Variants in DAPK3 observed in about 807,000 individuals in gnomAD.
DAPK3 encodes death associated protein kinase 3.
Under a neutral mutation model 30.6 loss-of-function variants are expected in DAPK3, and 24 were observed. The observed-to-expected ratio is 0.78, with a 90% CI of 0.57 to 1.10. The LOEUF (loss-of-function observed/expected upper bound fraction) is 1.10. Among genes scored for constraint, DAPK3 ranks in the 50% least tolerant of loss-of-function variants. The pLI, the probability that DAPK3 is intolerant of heterozygous loss-of-function variation, is 0.00. For synonymous variants in DAPK3, 341 were observed against 284.0 expected (o/e 1.20, Z -2.02); for missense variants, 629 against 657.3 (o/e 0.96, Z 0.47).
At position 3,959,313 on chromosome 19, in the gene DAPK3, G is replaced by A; in HGVS notation, c.1153C>T (p.Leu385=). 2 of 1,593,950 alleles carry A rather than the reference G, an allele frequency of 1.3e-6. No individual in the cohort carries two copies. Among genetic ancestry groups the A allele is most frequent in the South Asian group, 1.1e-5 (1 of 90,100 alleles). The change falls in exon 9 of 9, where the codon CTG becomes TTG. Residue 385 remains leucine, a synonymous_variant. Coordinates refer to ENST00000545797, the MANE Select transcript of DAPK3 (RefSeq NM_001348.3). ...GQDLRRLRQE[L]LKTEALKRQA... ...CGCTTGAGCGCCTCGGTCTTGAGCA[G>A]CTCCTGCCGTAGCCTCCGCAGGTCC...
intron 2 of DAPK3, among the ~76,000 whole-genome samples, chr19:3,966,294 A>AT (rs2039576712): frequency 6.6e-6 from 1 of 151,982 alleles, no homozygotes; most frequent in Non-Finnish European, 1.5e-5. Context: ...CTGCTAACAG[A>AT]CCCAGCTGTC....
rs1178618013 is a variant in DAPK3 at position 3,958,914 on chromosome 19, C to T, written c.*187G>A. On this transcript the variant is annotated 3_prime_UTR_variant, in exon 9 of 9. Coordinates refer to ENST00000545797, the MANE Select transcript of DAPK3 (RefSeq NM_001348.3). ...CGTGGAGGCTGTGTAGAGAAGCAGC[C>T]CCGTCCCACACCCACCCCTGCCTGC... The T allele has an allele frequency of 3.4e-6, 2 of 583,238 alleles. No homozygotes were observed. Among genetic ancestry groups the T allele is most frequent in the African/African-American group, 3.8e-5 (2 of 52,100 alleles). 36.1% of individuals were successfully genotyped at this position (583,238 alleles called of 1,614,324 possible).
Position 3,959,476 on chromosome 19 carries a change from C to T in DAPK3, c.990G>A (p.Glu330=). ...ADFERFSKVL[E]EAAAAEEGLR... ...GGCCCTCCTCGGCGGCCGCCGCCTC[C>T]TCCAGCACCTTGGAGAAGCGCTCGA... is the stretch of plus-strand genomic sequence containing the variant. Residue 330 remains glutamate, a synonymous_variant, in exon 9 of 9, where the codon GAG becomes GAA. Coordinates refer to ENST00000545797, the MANE Select transcript of DAPK3 (RefSeq NM_001348.3). The T allele has an allele frequency of 6.4e-7, 1 of 1,550,508 alleles. No individual in the cohort carries two copies. The highest frequency in any genetic ancestry group is 8.7e-7 in the Non-Finnish European group (1 of 1,155,048).
intron 5 of DAPK3, 50 bp from the exon 6 acceptor site, chr19:3,963,719 C>T (rs769367594): frequency 1.0e-5 from 15 of 1,476,184 alleles, no homozygotes; most frequent in Admixed American, 4.5e-5. Flanking sequence ...GCCGCCCACC[C>T]TCCCAGGACC....
At chr19:3,967,384 C>G (rs1287889367) in intron 2 of DAPK3, among the ~76,000 whole-genome samples, 1 of 151,858 alleles carries the variant, frequency 6.6e-6, no homozygotes, top group African/African-American at 2.4e-5. Flanking sequence ...ACCTGGGAGA[C>G]GGAGGTTGCA....
chr19:3,961,176 TG>T lies in DAPK3; in HGVS notation c.630-16del. The T allele has an allele frequency of 6.2e-7, 1 of 1,607,122 alleles. No homozygotes were observed. Among genetic ancestry groups the T allele is most frequent in the Non-Finnish European group, 8.5e-7 (1 of 1,177,140 alleles). ...CACCGCTCAGGCTGCGAGACAGGCG[TG>T]GGGGCTCAGTGGGGTCCTGGGCTCC... On this transcript the variant is annotated splice_polypyrimidine_tract_variant and intron_variant, in intron 6 of 8. Coordinates refer to ENST00000545797, the MANE Select transcript of DAPK3 (RefSeq NM_001348.3).
At position 3,964,850 on chromosome 19, in the gene DAPK3, C is replaced by T; in HGVS notation, c.204G>A (p.Leu68=). ...TGATGTTGGGGTGCCGGATCTCCCG[C>T]AGGATGTTCACCTCCCGCTCGATCT... The part of the protein sequence containing the change: ...REEIEREVNI[L]REIRHPNIIT... The change falls in exon 3 of 9, where the codon CTG becomes CTA. Residue 68 remains leucine, a synonymous_variant. Coordinates refer to ENST00000545797, the MANE Select transcript of DAPK3 (RefSeq NM_001348.3). The T allele has an allele frequency of 6.2e-7, 1 of 1,613,280 alleles. No homozygotes were observed. Among genetic ancestry groups the T allele is most frequent in the Non-Finnish European group, 8.5e-7 (1 of 1,179,414 alleles).
chr19:3,963,839 G>C (rs752008126), intron 5 of DAPK3, 32 bp downstream of exon 5: 163 of 1,491,066 alleles, frequency 1.1e-4, no homozygotes, highest in Middle Eastern at 3.4e-4. Flanking sequence ...AGGAATGCAG[G>C]GAGGCCCGGT....
rs1286722350 is a variant in DAPK3 at position 3,959,061 on chromosome 19, G to A, written c.*40C>T. 6.6e-6 allele frequency: 9 copies of A among 1,358,562 alleles called. No individual in the cohort carries two copies. The highest frequency in any genetic ancestry group is 2.0e-4 in the Middle Eastern group (1 of 4,894). 84.2% of individuals were successfully genotyped at this position (1,358,562 alleles called of 1,614,324 possible). A position where few individuals can be genotyped will look rare whatever the true frequency, so the allele number is the denominator to read the frequency against. On this transcript the variant is annotated 3_prime_UTR_variant, in exon 9 of 9. Transcript: ENST00000545797. Reference sequence around the variant, plus strand: ...ACAGGAAGCGCCCCCACCGCAGGCCGAGCTCCGGCTGTCCTGGGGCCTGGC... The same window carrying A: ...ACAGGAAGCGCCCCCACCGCAGGCCAAGCTCCGGCTGTCCTGGGGCCTGGC...
Position 3,960,074 on chromosome 19 carries a change from T to C in DAPK3, c.813A>G (p.Glu271=), listed in dbSNP as rs1164552960. The change falls in exon 8 of 9, where the codon GAA becomes GAG. Residue 271 remains glutamate (E), a synonymous_variant. Transcript: ENST00000545797. ...CCCCACTTACCTTAATCCAGGAATG[T>C]TCCAGGCTCTGGGCAATGGTCATTC... ...KRRMTIAQSL[E]HSWIKAIRRR... is the part of the protein sequence containing the mutation. 7 of 1,567,086 alleles carry C rather than the reference T, an allele frequency of 4.5e-6. No individual in the cohort carries two copies. The highest frequency in any genetic ancestry group is 1.4e-5 in the African/African-American group (1 of 73,892).
intron 3 of DAPK3, 88 bp downstream of exon 3, chr19:3,964,543 G>T: frequency 1.1e-6 from 1 of 934,480 alleles, no homozygotes; most frequent in Non-Finnish European, 1.5e-6. Flanking sequence ...TCACCCCCAC[G>T]CGCAGGAGGT....
chr19:3,960,741 T>C (rs1013583059), intron 7 of DAPK3, among the ~76,000 whole-genome samples: 1 of 136,530 alleles, frequency 7.3e-6, no homozygotes, highest in Non-Finnish European at 1.5e-5. Context: ...ATCACGCCAC[T>C]GCACTGCACT....
chr19:3,969,806 C>G lies in DAPK3; in HGVS notation c.-71G>C. Reference sequence around the variant, plus strand: ...AGTCACCGCAGCCTGGAGATAGGACCTCAGGAGTCCCCTAATGGCAACCCT... The same window carrying G: ...AGTCACCGCAGCCTGGAGATAGGACGTCAGGAGTCCCCTAATGGCAACCCT... On this transcript the variant is annotated 5_prime_UTR_variant, in exon 2 of 9. Coordinates refer to ENST00000545797, the MANE Select transcript of DAPK3 (RefSeq NM_001348.3). The G allele has an allele frequency of 4.6e-6, 5 of 1,085,278 alleles. No homozygotes were observed. The highest frequency in any genetic ancestry group is 7.1e-6 in the Non-Finnish European group (5 of 707,964). 67.2% of individuals were successfully genotyped at this position (1,085,278 alleles called of 1,614,324 possible). A position where few individuals can be genotyped will look rare whatever the true frequency, so the allele number is the denominator to read the frequency against.
At chr19:3,962,212 A>ATT (rs2039524129) in intron 6 of DAPK3, among the ~76,000 whole-genome samples, 2 of 152,142 alleles carry the variant, frequency 1.3e-5, no homozygotes, top group African/African-American at 4.8e-5. Flanking sequence ...GGTGTTCATA[A>ATT]CGTTCGTGTT....
intron 6 of DAPK3, among the ~76,000 whole-genome samples, chr19:3,963,103 CAAA>C (rs35742812): frequency 5.6e-5 from 8 of 143,726 alleles, no homozygotes; most frequent in Admixed American, 6.9e-5. Flanking sequence ...AAAACTCCAT[CAAA>C]AAAAAAAAAA....
rs759635535 is a variant in DAPK3 at position 3,959,179 on chromosome 19, G to A, written c.1287C>T (p.Ser429=). 2 of 1,597,346 alleles carry A rather than the reference G, an allele frequency of 1.3e-6. No homozygotes were observed. The highest frequency in any genetic ancestry group is 1.7e-5 in the Admixed American group (1 of 59,222). ...CGAGGTCCTGCACGAAGCGCATCTC[G>A]GAGGCTACTTGCTTGGCCAGCGCCT... The part of the protein sequence containing the change: ...RYEALAKQVA[S]EMRFVQDLVR... The change falls in exon 9 of 9, where the codon TCC becomes TCT. Residue 429 remains serine (S), a synonymous_variant. Coordinates refer to ENST00000545797, the MANE Select transcript of DAPK3 (RefSeq NM_001348.3).
intron 2 of DAPK3, among the ~76,000 whole-genome samples, chr19:3,967,409 C>T (rs982804426): frequency 2.6e-5 from 4 of 151,528 alleles, no homozygotes; most frequent in Admixed American, 2.0e-4. Flanking sequence ...GCTGAGATTG[C>T]GGCATTGCAC....
chr19:3,968,066 G>A (rs1450572712), intron 2 of DAPK3, among the ~76,000 whole-genome samples: 1 of 152,210 alleles, frequency 6.6e-6, no homozygotes, highest in Non-Finnish European at 1.5e-5. Context: ...GGGCTCAAGC[G>A]ATCCTCCCGC....
chr19:3,963,776 C>A, intron 5 of DAPK3, 95 bp downstream of exon 5: 1 of 1,238,092 alleles, frequency 8.1e-7, no homozygotes, highest in Non-Finnish European at 1.2e-6. Context: ...CCCCATACCC[C>A]AACAGCAGCA....
Sources: gnomAD v4.1 joint callset for allele counts (sites outside exome capture counted in the v4.1 genomes callset) on GRCh38, gnomAD v4.1.1 for gene constraint, MANE v1.5 for transcripts, NCBI Gene and HGNC (gene_info 2026-07-23, HGNC 2026-07-21) for gene names.